Variants in PLS3 observed in about 807,000 individuals in gnomAD.
The protein encoded by PLS3 is plastin-3.
PLS3 carries 11 observed loss-of-function variants against 46.5 expected under a neutral mutation model. That is an observed-to-expected ratio of 0.24 (90% CI 0.15 to 0.39). The LOEUF (loss-of-function observed/expected upper bound fraction) is 0.39, where lower values mean the gene tolerates loss of function less well. PLS3 is among the 10% of genes least tolerant of loss of function. The pLI, the probability that PLS3 is intolerant of heterozygous loss-of-function variation, is 1.00. For missense variants in PLS3, 308 were observed against 461.8 expected (o/e 0.67, Z 3.05); for synonymous variants, 167 against 162.2 (o/e 1.03, Z -0.22).
At chrX:115,572,904 C>T in intron 1 of PLS3, among the ~76,000 whole-genome samples, 1 of 109,918 alleles carries the variant, frequency 9.1e-6, no homozygotes, top group East Asian at 2.9e-4. Context: ...ACCAGCCTGG[C>T]CAACATGGTG....
chrX:115,570,398 C>T (rs2147413986), intron 1 of PLS3, among the ~76,000 whole-genome samples: 1 of 110,360 alleles, frequency 9.1e-6, no homozygotes, highest in East Asian at 2.8e-4. Context: ...GGTAGGTGCT[C>T]AATAAGTATT....
At chrX:115,566,423 C>G (rs1158411279) in intron 1 of PLS3, among the ~76,000 whole-genome samples, 6 of 74,765 alleles carry the variant, frequency 8.0e-5, no homozygotes, top group Non-Finnish European at 1.5e-4. Flanking sequence ...CTTGCTTTGT[C>G]GCCCAGGCTG....
At chrX:115,639,777 A>G (rs1321633272) in intron 8 of PLS3, 1 of 367,073 alleles carries the variant, frequency 2.7e-6, no homozygotes, top group African/African-American at 2.5e-5. Flanking sequence ...ACTGTGAGCC[A>G]ACCCCATTGT....
chrX:115,575,732 C>T (rs1489308447), intron 1 of PLS3, among the ~76,000 whole-genome samples: 15 of 110,957 alleles, frequency 1.4e-4, no homozygotes, highest in Admixed American at 1.2e-3. Flanking sequence ...CGTGAGCCAC[C>T]GCGCCTGGCC....
At position 115,580,905 on chromosome X, in the gene PLS3, T is replaced by A. The variant is rs782229533; in HGVS notation, c.-9+19645T>A. ...AATTAGCAGTTTCTTTTTTATTTTT[T>A]AAATTTTTTGTGTGGAGATGGGGTC... On this transcript the variant is annotated intron_variant, in intron 1 of 15. Transcript: ENST00000355899. Among the ~76,000 whole-genome samples the A allele has an allele frequency of 9.0e-5, 10 of 111,576 alleles. No individual in the cohort carries two copies. The South Asian group carries it at 3.4e-3, about 38-fold the overall frequency.
chrX:115,625,243 A>G (rs996832577), intron 3 of PLS3, among the ~76,000 whole-genome samples: 2 of 111,476 alleles, frequency 1.8e-5, no homozygotes, highest in Middle Eastern at 9.2e-3. Context: ...ATTGTTGCTT[A>G]AGGGGTGTTA....
chrX:115,610,310 C>T lies in PLS3; in HGVS notation c.60C>T (p.Ala20=), dbSNP rs1556635949. 3.5e-6 allele frequency: 4 copies of T among 1,135,826 alleles called. No individual in the cohort carries two copies. The highest frequency in any genetic ancestry group is 1.2e-6 in the Non-Finnish European group (1 of 837,522). 93.6% of individuals were successfully genotyped at this position (1,135,826 alleles called of 1,213,427 possible). ...ATGAGCTTGATGAACTCAAAGAGGC[C>T]TTTGCAAAAGTTGGTGAGTATTTTT... ...SKDELDELKE[A]FAKVDLNSNG... The change falls in exon 2 of 16, where the codon GCC becomes GCT. Residue 20 remains alanine, a synonymous_variant. Transcript: ENST00000355899.
chrX:115,646,235 G>A (rs782301752), intron 12 of PLS3, 49 bp downstream of exon 12: 2 of 880,992 alleles, frequency 2.3e-6, no homozygotes, highest in South Asian at 2.3e-5. Context: ...TTTTATTCTC[G>A]ATTAATTTCT....
At position 115,649,846 on chromosome X, in the gene PLS3, A is replaced by G. The variant is rs1266438008; in HGVS notation, c.*285A>G. The G allele has an allele frequency of 1.0e-5, 2 of 194,155 alleles. No homozygotes were observed. The highest frequency in any genetic ancestry group is 6.7e-5 in the Admixed American group (1 of 14,912). 16.0% of individuals were successfully genotyped at this position (194,155 alleles called of 1,213,427 possible). ...TAGAATGCTGCCCTTGACATTTCCC[A>G]TTGCTGTATGTTATTTCTTGCTCTG... On this transcript the variant is annotated 3_prime_UTR_variant, in exon 16 of 16. Coordinates refer to ENST00000355899, the MANE Select transcript of PLS3 (RefSeq NM_005032.7).
chrX:115,634,797 A>G (rs2074813447), intron 6 of PLS3, 84 bp from the exon 7 acceptor site: 1 of 864,810 alleles, frequency 1.2e-6, no homozygotes, highest in East Asian at 3.1e-5. Flanking sequence ...TCCTCATTGA[A>G]TGTTATTTTC....
chrX:115,599,688 A>G (rs949608678), intron 1 of PLS3, among the ~76,000 whole-genome samples: 16 of 104,606 alleles, frequency 1.5e-4, no homozygotes, highest in Non-Finnish European at 2.7e-4. Flanking sequence ...GCTGGAGTGC[A>G]GTGGTCCAAT....
At chrX:115,637,000 AC>A in intron 8 of PLS3, 22 bp downstream of exon 8, 1 of 1,191,717 alleles carries the variant, frequency 8.4e-7, no homozygotes, top group Non-Finnish European at 1.1e-6. Context: ...AAGAATCACA[AC>A]ATTTTGGGGG....
chrX:115,582,983 G>A (rs782043923), intron 1 of PLS3, among the ~76,000 whole-genome samples: 1 of 111,941 alleles, frequency 8.9e-6, no homozygotes, highest in African/African-American at 3.2e-5. Context: ...TCAGGCTGCT[G>A]TAAGCTGTGA....
At chrX:115,627,216 T>A (rs782239550) in intron 3 of PLS3, among the ~76,000 whole-genome samples, 11 of 112,154 alleles carry the variant, frequency 9.8e-5, no homozygotes, top group African/African-American at 3.6e-4. Flanking sequence ...TATGAATTAA[T>A]CCTTTTTTCT....
intron 1 of PLS3, among the ~76,000 whole-genome samples, chrX:115,576,443 C>T (rs958984299): frequency 9.0e-6 from 1 of 111,333 alleles, no homozygotes; most frequent in Non-Finnish European, 1.9e-5. Context: ...TGGTGGCGTG[C>T]GCCTATAGTC....
Position 115,649,315 on chromosome X carries a change from C to T in PLS3, c.1761-114C>T, listed in dbSNP as rs111525606. On this transcript the variant is annotated intron_variant, in intron 15 of 15. Transcript: ENST00000355899. The stretch of plus-strand genomic sequence containing the variant: ...GCAAAACTGTTCTAATTGGAACTAT[C>T]AATATGGAATTTTTGCATCCCAGCA... The T allele has an allele frequency of 4.3e-4, 241 of 558,208 alleles. 2 individuals carry two copies. In the African/African-American group the frequency reaches 4.5e-3, roughly 10 times the overall value. The allele number at this position is 558,208 out of a possible 1,213,427, so 46.0% of individuals were successfully genotyped here. A position where few individuals can be genotyped will look rare whatever the true frequency, so the allele number is the denominator to read the frequency against.
At chrX:115,581,584 G>GA (rs1278822375) in intron 1 of PLS3, among the ~76,000 whole-genome samples, 1 of 111,886 alleles carries the variant, frequency 8.9e-6, no homozygotes, top group Non-Finnish European at 1.9e-5. Flanking sequence ...TTGGGTGAGG[G>GA]AAAATTGAAT....
intron 1 of PLS3, among the ~76,000 whole-genome samples, chrX:115,598,199 C>T (rs2074407930): frequency 9.3e-6 from 1 of 107,495 alleles, no homozygotes. Context: ...ACTCAGGGGG[C>T]TAAGGTGGGA....
intron 1 of PLS3, among the ~76,000 whole-genome samples, chrX:115,604,329 C>A (rs1379085826): frequency 4.5e-5 from 5 of 112,113 alleles, no homozygotes; most frequent in African/African-American, 1.3e-4. Context: ...CCCAAGCATT[C>A]ATTTATTCCC....
Sources: allele counts gnomAD v4.1 joint callset (sites outside exome capture counted in the v4.1 genomes callset), GRCh38; gene constraint gnomAD v4.1.1; transcripts MANE v1.5; gene names NCBI Gene and HGNC (gene_info 2026-07-23, HGNC 2026-07-21).